Variants in FBXO11 observed in about 807,000 individuals in gnomAD.
FBXO11 encodes F-box only protein 11.
FBXO11 carries 13 observed loss-of-function variants against 117.0 expected under a neutral mutation model. That is an observed-to-expected ratio of 0.11 (90% CI 0.07 to 0.18). The LOEUF (loss-of-function observed/expected upper bound fraction) is 0.18, where lower values mean the gene tolerates loss of function less well. Among genes scored for constraint, FBXO11 ranks in the 10% least tolerant of loss-of-function variants. The probability of loss-of-function intolerance (pLI) is 1.00; values close to 1 mark genes in which losing one functional copy is unlikely to be tolerated. For missense variants in FBXO11, 767 were observed against 1,164.4 expected (o/e 0.66, Z 4.97); for synonymous variants, 490 against 380.5 (o/e 1.29, Z -3.35).
intron 1 of FBXO11, among the ~76,000 whole-genome samples, chr2:47,876,533 G>A (rs1200634835): frequency 1.3e-5 from 2 of 152,148 alleles, no homozygotes; most frequent in Non-Finnish European, 2.9e-5. Context: ...TAGAATCAAG[G>A]TCAACAGTTA....
chr2:47,899,273 CAAA>C (rs376186704), intron 1 of FBXO11, among the ~76,000 whole-genome samples: 2 of 60,628 alleles, frequency 3.3e-5, no homozygotes, highest in African/African-American at 6.8e-5. Flanking sequence ...GACTCCGTCT[CAAA>C]AAAAAAAAAA....
At chr2:47,822,623 T>C (rs1219058855) in intron 12 of FBXO11, among the ~76,000 whole-genome samples, 3 of 152,198 alleles carry the variant, frequency 2.0e-5, no homozygotes, top group South Asian at 2.1e-4. Context: ...GAAAATAAAA[T>C]TTGACAATTA....
rs1247795025 is a variant in FBXO11, at chr2:47,807,361, A to AGGAAGTCTCATTAAAACACTCACT, written c.*733_*756dup. On this transcript the variant is annotated 3_prime_UTR_variant, in exon 23 of 23. Coordinates refer to ENST00000403359, the MANE Select transcript of FBXO11 (RefSeq NM_001190274.2). ...TTTGTTTTACAGTGCATCCCTTCCT[A>AGGAAGTCTCATTAAAACACTCACT]GGAAGTCTCATTAAAACACTCACTT... 9.5e-6 allele frequency: 2 copies of AGGAAGTCTCATTAAAACACTCACT among 210,682 alleles called. No individual in the cohort carries two copies. Among genetic ancestry groups the AGGAAGTCTCATTAAAACACTCACT allele is most frequent in the Non-Finnish European group, 1.9e-5 (2 of 103,776 alleles). 13.1% of individuals were successfully genotyped at this position (210,682 alleles called of 1,614,324 possible). A position where few individuals can be genotyped will look rare whatever the true frequency, so the allele number is the denominator to read the frequency against.
At chr2:47,839,391 C>G in intron 3 of FBXO11, 28 bp downstream of exon 3, 3 of 1,581,332 alleles carry the variant, frequency 1.9e-6, no homozygotes, top group African/African-American at 1.4e-5. Context: ...TTATTTTACC[C>G]TATTTGTTAC....
At chr2:47,848,064 C>T (rs1673556902) in intron 1 of FBXO11, among the ~76,000 whole-genome samples, 1 of 149,736 alleles carries the variant, frequency 6.7e-6, no homozygotes, top group Non-Finnish European at 1.5e-5. Flanking sequence ...GTGGAGCTTG[C>T]AGTGAGCTGA....
intron 1 of FBXO11, among the ~76,000 whole-genome samples, chr2:47,854,156 C>G (rs1464632253): frequency 1.3e-5 from 2 of 151,866 alleles, no homozygotes; most frequent in Non-Finnish European, 2.9e-5. Context: ...AAAAAACACA[C>G]AAAAGAGAAA....
intron 1 of FBXO11, among the ~76,000 whole-genome samples, chr2:47,872,512 C>T (rs1558461415): frequency 1.3e-5 from 2 of 152,074 alleles, no homozygotes; most frequent in South Asian, 2.1e-4. Flanking sequence ...TTAGGAGAGA[C>T]GGGGTTTCAC....
At chr2:47,834,303 T>C (rs1317147648) in intron 7 of FBXO11, among the ~76,000 whole-genome samples, 1 of 152,118 alleles carries the variant, frequency 6.6e-6, no homozygotes, top group African/African-American at 2.4e-5. Context: ...TGAACTGAAA[T>C]TGTGCCACTG....
In FBXO11 at chr2:47,807,667, T is replaced by TAA. The variant is rs11314400; in HGVS notation, c.*449_*450dup. The stretch of plus-strand genomic sequence containing the variant: ...CATATTTCTCAATCTGAATACATGT[T>TAA]AAAAAAAAAAAATCAAAAGGAACGC... On this transcript the variant is annotated 3_prime_UTR_variant, in exon 23 of 23. Coordinates refer to ENST00000403359, the MANE Select transcript of FBXO11 (RefSeq NM_001190274.2). 1 of 207,876 alleles carries TAA rather than the reference T, an allele frequency of 4.8e-6. No individual in the cohort carries two copies. The highest frequency in any genetic ancestry group is 9.7e-6 in the Non-Finnish European group (1 of 102,716). 12.9% of individuals were successfully genotyped at this position (207,876 alleles called of 1,614,324 possible).
At chr2:47,837,826 G>A (rs997664693) in intron 4 of FBXO11, among the ~76,000 whole-genome samples, 14 of 152,146 alleles carry the variant, frequency 9.2e-5, no homozygotes, top group African/African-American at 3.1e-4. Context: ...GACTTCCTGG[G>A]CTCAAATGAT....
At chr2:47,890,556 G>A (rs1241228108) in intron 1 of FBXO11, among the ~76,000 whole-genome samples, 1 of 152,084 alleles carries the variant, frequency 6.6e-6, no homozygotes, top group African/African-American at 2.4e-5. Context: ...TGTAATCCCA[G>A]CACTCAGGAG....
At chr2:47,846,867 G>T (rs1047435331) in intron 1 of FBXO11, among the ~76,000 whole-genome samples, 19 of 152,108 alleles carry the variant, frequency 1.2e-4, no homozygotes, top group African/African-American at 4.6e-4. Flanking sequence ...TATTTCAAGT[G>T]CTCAAAAGCC....
intron 1 of FBXO11, among the ~76,000 whole-genome samples, chr2:47,877,595 T>G (rs983331724): frequency 6.6e-6 from 1 of 152,158 alleles, no homozygotes. Context: ...ATGGTGTGTG[T>G]GTATCTTTGT....
chr2:47,874,516 C>CAAAATTTA, intron 1 of FBXO11, among the ~76,000 whole-genome samples: 1 of 151,874 alleles, frequency 6.6e-6, no homozygotes, highest in Non-Finnish European at 1.5e-5. Context: ...GTTTAACACA[C>CAAAATTTA]AAACACCGTA....
chr2:47,870,940 C>A (rs549535596), intron 1 of FBXO11, among the ~76,000 whole-genome samples: 1 of 152,310 alleles, frequency 6.6e-6, no homozygotes, highest in East Asian at 1.9e-4. Flanking sequence ...ATAGGACATG[C>A]ACATACTACT....
chr2:47,838,115 G>A (rs1208107260), intron 4 of FBXO11, among the ~76,000 whole-genome samples: 1 of 150,708 alleles, frequency 6.6e-6, no homozygotes, highest in South Asian at 2.1e-4. Context: ...TGCCTGTGGT[G>A]CCAGCTACTC....
At chr2:47,899,465 T>C (rs1056838963) in intron 1 of FBXO11, among the ~76,000 whole-genome samples, 2 of 152,250 alleles carry the variant, frequency 1.3e-5, no homozygotes, top group East Asian at 1.9e-4. Context: ...AACTTTACTA[T>C]CTCTCATCCT....
Position 47,808,172 on chromosome 2 carries a change from A to G in FBXO11, c.2730T>C (p.Asp910=). 1 of 1,613,472 alleles carries G rather than the reference A, an allele frequency of 6.2e-7. No homozygotes were observed. Among genetic ancestry groups the G allele is most frequent in the East Asian group, 2.2e-5 (1 of 44,868 alleles). ...TAGGTGGAGCAGAGTCATATAGTGT[A>G]TCTGTATCATGTGTAGGCTCACCAG... The part of the protein sequence containing the change: ...TLAGEPTHDT[D]TLYDSAPPIE... Residue 910 remains aspartate (D), a synonymous_variant, in exon 23 of 23, where the codon GAT becomes GAC. Transcript: ENST00000403359.
Position 47,905,545 on chromosome 2 carries a change from G to GGCGGAGGCTGCTGCTGCTGCT in FBXO11, c.155_175dup (p.Gln52_Pro58dup). The GGCGGAGGCTGCTGCTGCTGCT allele has an allele frequency of 4.8e-6, 6 of 1,241,118 alleles. No homozygotes were observed. Among genetic ancestry groups the GGCGGAGGCTGCTGCTGCTGCT allele is most frequent in the Non-Finnish European group, 6.0e-6 (6 of 995,154 alleles). The allele number at this position is 1,241,118 out of a possible 1,614,324, so 76.9% of individuals were successfully genotyped here. A position where few individuals can be genotyped will look rare whatever the true frequency, so the allele number is the denominator to read the frequency against. On this transcript the variant is annotated inframe_insertion, in exon 1 of 23. Transcript: ENST00000403359. ...CAGCGGCGGAGGCGGCGGTGGCGGCGGCGGAGGCTGCTGCTGCTGCTGCTG... is the reference window on the plus strand; with the variant it reads ...CAGCGGCGGAGGCGGCGGTGGCGGCGGCGGAGGCTGCTGCTGCTGCTGCGGAGGCTGCTGCTGCTGCTGCTG...
Sources: gnomAD v4.1 joint callset for allele counts (sites outside exome capture counted in the v4.1 genomes callset) on GRCh38, gnomAD v4.1.1 for gene constraint, MANE v1.5 for transcripts, NCBI Gene and HGNC (gene_info 2026-07-23, HGNC 2026-07-21) for gene names.